The following RAPGEF4 variants were observed in gnomAD, a reference collection of about 807,000 sequenced individuals.
The protein encoded by RAPGEF4 is RAP guanine-nucleotide-exchange factor (GEF) 4.
A neutral mutation model predicts 147.9 loss-of-function variants in RAPGEF4; 66 were observed. The ratio of observed to expected loss-of-function variants is 0.45; its 90% CI spans 0.37 to 0.55. The LOEUF is 0.55. Ranked by LOEUF, RAPGEF4 falls within the 20% of genes least tolerant of loss-of-function variation. The pLI is 0.00. For synonymous variants in RAPGEF4, 419 were observed against 442.7 expected (o/e 0.95, Z 0.67); for missense variants, 1,071 against 1,257.3 (o/e 0.85, Z 2.24).
chr2:172,953,961 C>T (rs1688476752), intron 6 of RAPGEF4, among the ~76,000 whole-genome samples: 1 of 152,178 alleles, frequency 6.6e-6, no homozygotes, highest in Non-Finnish European at 1.5e-5. Flanking sequence ...AGATAAGACA[C>T]TCCTAAAGTC....
At position 173,042,492 on chromosome 2, in the gene RAPGEF4, G is replaced by A. The variant is rs778121454; in HGVS notation, c.2853+5800G>A. Among the ~76,000 whole-genome samples the A allele has an allele frequency of 2.0e-5, 3 of 151,950 alleles. No homozygotes were observed. The highest frequency in any genetic ancestry group is 1.5e-5 in the Non-Finnish European group (1 of 67,974). ...ACAAAAATTAGCCAGGCATGGTGGCGGGCGCCTGTAATCCCAGCTATTCAG... is the reference window on the plus strand; with the variant it reads ...ACAAAAATTAGCCAGGCATGGTGGCAGGCGCCTGTAATCCCAGCTATTCAG... On this transcript the variant is annotated intron_variant, in intron 29 of 30. Transcript: ENST00000397081. The surrounding 1 kb of genome is among the most constrained non-coding windows in gnomAD (Gnocchi z 4.2).
At chr2:172,944,655 T>C (rs1280947940) in intron 6 of RAPGEF4, among the ~76,000 whole-genome samples, 5 of 152,330 alleles carry the variant, frequency 3.3e-5, no homozygotes, top group Admixed American at 6.5e-5. Context: ...CCAGTCTGAC[T>C]GAAAGCTTTA....
At chr2:172,926,277 C>T (rs941204225) in intron 6 of RAPGEF4, among the ~76,000 whole-genome samples, 6 of 152,276 alleles carry the variant, frequency 3.9e-5, no homozygotes, top group African/African-American at 1.4e-4. Context: ...GATAAGAAAG[C>T]TTGAATGTTG....
intron 4 of RAPGEF4, among the ~76,000 whole-genome samples, chr2:172,911,069 C>G (rs1310355406): frequency 1.3e-5 from 2 of 152,174 alleles, no homozygotes; most frequent in African/African-American, 2.4e-5. Flanking sequence ...CTCCCACATC[C>G]GAAATGCACT....
chr2:172,931,174 G>A (rs1575282672), intron 6 of RAPGEF4, among the ~76,000 whole-genome samples: 1 of 98,230 alleles, frequency 1.0e-5, no homozygotes, highest in African/African-American at 4.4e-5. Flanking sequence ...GGCCGGGGTG[G>A]GGGGGGGGGG....
intron 1 of RAPGEF4, among the ~76,000 whole-genome samples, chr2:172,739,558 A>C (rs1694123267): frequency 6.6e-6 from 1 of 152,018 alleles, no homozygotes; most frequent in Non-Finnish European, 1.5e-5. Context: ...TTTTATAGAG[A>C]CAGGGTTTCA....
chr2:172,990,025 A>AAAG (rs1226453780), intron 14 of RAPGEF4, among the ~76,000 whole-genome samples: 13 of 151,768 alleles, frequency 8.6e-5, no homozygotes, highest in South Asian at 2.1e-4. Flanking sequence ...TGCAAAAAAA[A>AAAG]AAAAGAAAAG....
intron 4 of RAPGEF4, among the ~76,000 whole-genome samples, chr2:172,884,463 T>G (rs1015324072): frequency 1.3e-5 from 2 of 152,228 alleles, no homozygotes; most frequent in African/African-American, 4.8e-5. Flanking sequence ...TCAGTTTTGC[T>G]TGAAGAAACT....
intron 4 of RAPGEF4, among the ~76,000 whole-genome samples, chr2:172,888,145 C>T (rs922464840): frequency 6.6e-6 from 1 of 152,152 alleles, no homozygotes; most frequent in Non-Finnish European, 1.5e-5. Flanking sequence ...ATATTATTAA[C>T]CAGTGCACAG....
chr2:172,961,743 A>G (rs1336758541), intron 8 of RAPGEF4, among the ~76,000 whole-genome samples: 1 of 152,204 alleles, frequency 6.6e-6, no homozygotes. Context: ...AGGTTGGTTG[A>G]TTTCCAGATT....
At chr2:172,952,064 T>C (rs1688256873) in intron 6 of RAPGEF4, among the ~76,000 whole-genome samples, 1 of 152,184 alleles carries the variant, frequency 6.6e-6, no homozygotes, top group Admixed American at 6.5e-5. Flanking sequence ...CCAGGCATGG[T>C]AATTTACACA....
chr2:172,908,966 T>C (rs965367426), intron 4 of RAPGEF4, among the ~76,000 whole-genome samples: 8 of 152,188 alleles, frequency 5.3e-5, no homozygotes, highest in Non-Finnish European at 1.0e-4. Context: ...AAGAATTGAT[T>C]TCCTAACTGC....
intron 18 of RAPGEF4, among the ~76,000 whole-genome samples, 181 bp downstream of exon 18, chr2:173,014,795 A>G (rs1695356149): frequency 6.6e-6 from 1 of 152,220 alleles, no homozygotes; most frequent in Admixed American, 6.5e-5. Context: ...TTATTCTGCC[A>G]TTCTGACTCC....
Position 172,830,578 on chromosome 2 carries a change from T to A in RAPGEF4, c.444+16153T>A, listed in dbSNP as rs115946220. Among the ~76,000 whole-genome samples the A allele has an allele frequency of 3.7e-3, 555 of 151,156 alleles. 4 individuals carry two copies. The highest frequency in any genetic ancestry group is 0.012 in the African/African-American group (511 of 41,126). ...CAAAAAGTAGTCATAACACAACCCA[T>A]CACGCAAAACAAGAATCCTGTTTGT... is the stretch of plus-strand genomic sequence containing the variant. On this transcript the variant is annotated intron_variant, in intron 4 of 30. Coordinates refer to ENST00000397081, the MANE Select transcript of RAPGEF4 (RefSeq NM_007023.4).
chr2:172,943,911 A>G (rs1041680340), intron 6 of RAPGEF4, among the ~76,000 whole-genome samples: 13 of 152,224 alleles, frequency 8.5e-5, no homozygotes, highest in Non-Finnish European at 1.2e-4. Context: ...CCTAATGATA[A>G]TTAGGGAGAA....
chr2:172,987,650 G>A (rs1365672242), intron 12 of RAPGEF4, among the ~76,000 whole-genome samples: 1 of 152,120 alleles, frequency 6.6e-6, no homozygotes, highest in African/African-American at 2.4e-5. Flanking sequence ...AAGTAATCTG[G>A]AAATGACTTA....
intron 12 of RAPGEF4, among the ~76,000 whole-genome samples, chr2:172,986,069 A>T (rs1160906600): frequency 6.6e-6 from 1 of 152,224 alleles, no homozygotes; most frequent in African/African-American, 2.4e-5. Flanking sequence ...AGGAAATTTG[A>T]TGTGAATAGA....
At chr2:172,875,834 G>A (rs1178486912) in intron 4 of RAPGEF4, among the ~76,000 whole-genome samples, 1 of 152,132 alleles carries the variant, frequency 6.6e-6, no homozygotes, top group African/African-American at 2.4e-5. Context: ...ATTACCTTGG[G>A]CAGTATGGCC....
chr2:173,023,921 G>A (rs1324052501), intron 23 of RAPGEF4, among the ~76,000 whole-genome samples: 1 of 152,218 alleles, frequency 6.6e-6, no homozygotes, highest in African/African-American at 2.4e-5. Flanking sequence ...TGCAAGGCCA[G>A]TTTGATCCTC....
Sources: gnomAD v4.1 joint callset for allele counts (sites outside exome capture counted in the v4.1 genomes callset) on GRCh38, gnomAD v4.1.1 for gene constraint, Gnocchi (gnomAD v3.1) non-coding constraint, MANE v1.5 for transcripts, NCBI Gene and HGNC (gene_info 2026-07-23, HGNC 2026-07-21) for gene names.